Variants in MICU1 observed in about 807,000 individuals in gnomAD.
MICU1 encodes the protein mitochondrial calcium uptake 1.
MICU1 carries 45 observed loss-of-function variants against 56.8 expected under a neutral mutation model. The observed-to-expected ratio is 0.79, with a 90% CI of 0.62 to 1.02. MICU1 has a LOEUF of 1.02. MICU1 is among the 50% of genes least tolerant of loss of function. MICU1 has a pLI of 0.00. For synonymous variants in MICU1, 186 were observed against 195.1 expected, an observed-to-expected ratio of 0.95 and a Z score of 0.39; for missense variants, 504 against 587.1, an observed-to-expected ratio of 0.86 and a Z score of 1.46.
rs372585466 is a variant in MICU1, at chr10:72,478,551, A to G, written c.653-1295T>C. On this transcript the variant is annotated intron_variant, in intron 6 of 11. Coordinates refer to ENST00000361114, the MANE Select transcript of MICU1 (RefSeq NM_001195518.2). The stretch of plus-strand genomic sequence containing the variant: ...TAAAATTTCAGTTAACATCATTTAC[A>G]TGAAAAAAGTTAAGATTTTATGCAG... Among the ~76,000 whole-genome samples, 20 of 152,366 alleles carry G rather than the reference A, an allele frequency of 1.3e-4. No homozygotes were observed. In the East Asian group the frequency reaches 2.3e-3, roughly 18 times the overall value.
intron 9 of MICU1, among the ~76,000 whole-genome samples, chr10:72,417,325 G>T (rs1276310939): frequency 6.6e-6 from 1 of 151,980 alleles, no homozygotes. Flanking sequence ...GTGGCAGTGG[G>T]CACCTGTAGC....
intron 8 of MICU1, among the ~76,000 whole-genome samples, chr10:72,446,174 T>G (rs773817734): frequency 6.6e-6 from 1 of 152,156 alleles, no homozygotes; most frequent in Admixed American, 6.5e-5. Flanking sequence ...CAATATTGTA[T>G]GGAAAAACAT....
At chr10:72,530,999 G>A (rs1174710248) in intron 5 of MICU1, among the ~76,000 whole-genome samples, 1 of 152,006 alleles carries the variant, frequency 6.6e-6, no homozygotes, top group Non-Finnish European at 1.5e-5. Flanking sequence ...TTTTATATTT[G>A]TTCTTACTTT....
intron 1 of MICU1, among the ~76,000 whole-genome samples, chr10:72,619,965 T>C (rs1381924043): frequency 6.6e-6 from 1 of 152,150 alleles, no homozygotes; most frequent in East Asian, 1.9e-4. Context: ...TAGATTCTAA[T>C]ACCCTTTTGT....
intron 10 of MICU1, among the ~76,000 whole-genome samples, chr10:72,386,221 G>C (rs113418719): frequency 0.012 from 1,860 of 151,958 alleles, 39 homozygotes; most frequent in African/African-American, 0.043. Flanking sequence ...TCGCTCTGTC[G>C]CCCAGGCTGG....
chr10:72,481,560 C>T (rs1274207308), intron 6 of MICU1, among the ~76,000 whole-genome samples: 1 of 152,082 alleles, frequency 6.6e-6, no homozygotes, highest in African/African-American at 2.4e-5. Context: ...TACAGGAGCA[C>T]ACCACCACCC....
At chr10:72,538,095 T>C (rs1033047533) in intron 4 of MICU1, among the ~76,000 whole-genome samples, 6 of 152,120 alleles carry the variant, frequency 3.9e-5, no homozygotes, top group Non-Finnish European at 2.9e-5. Flanking sequence ...GGCCCTTACC[T>C]CACTATGCCC....
intron 4 of MICU1, among the ~76,000 whole-genome samples, chr10:72,547,254 G>C (rs1043025316): frequency 6.6e-6 from 1 of 151,740 alleles, no homozygotes; most frequent in Non-Finnish European, 1.5e-5. Context: ...ACTCAAGCTG[G>C]TTTTGAACTC....
At chr10:72,378,878 T>C (rs1335292869) in intron 10 of MICU1, among the ~76,000 whole-genome samples, 1 of 152,164 alleles carries the variant, frequency 6.6e-6, no homozygotes, top group Non-Finnish European at 1.5e-5. Flanking sequence ...GAAGGGTTTA[T>C]TGGTGTCATC....
At chr10:72,498,191 T>A (rs1212459659) in intron 6 of MICU1, among the ~76,000 whole-genome samples, 2 of 152,216 alleles carry the variant, frequency 1.3e-5, no homozygotes, top group Non-Finnish European at 2.9e-5. Context: ...TACTTTTACA[T>A]GTTAGGTCAG....
At chr10:72,609,908 G>A (rs1193927421) in intron 1 of MICU1, among the ~76,000 whole-genome samples, 4 of 151,544 alleles carry the variant, frequency 2.6e-5, no homozygotes, top group East Asian at 1.9e-4. Flanking sequence ...GGTGGTGCGT[G>A]CCTGTAATCC....
At chr10:72,555,491 C>T (rs954905752) in intron 3 of MICU1, among the ~76,000 whole-genome samples, 2 of 152,136 alleles carry the variant, frequency 1.3e-5, no homozygotes, top group South Asian at 4.1e-4. Context: ...TTTTTAACGG[C>T]AGAAGCAAGG....
At chr10:72,371,335 C>T (rs1274791406) in intron 11 of MICU1, among the ~76,000 whole-genome samples, 22 of 141,276 alleles carry the variant, frequency 1.6e-4, no homozygotes, top group East Asian at 1.5e-3. Context: ...TGCAGTGAGC[C>T]GAGATCGCAC....
intron 5 of MICU1, among the ~76,000 whole-genome samples, chr10:72,510,731 C>A (rs1241394265): frequency 6.6e-6 from 1 of 151,988 alleles, no homozygotes; most frequent in Non-Finnish European, 1.5e-5. Flanking sequence ...GCAACCTCTG[C>A]CTCCCGGGTT....
intron 5 of MICU1, among the ~76,000 whole-genome samples, chr10:72,518,753 G>A (rs1417709123): frequency 6.6e-6 from 1 of 152,048 alleles, no homozygotes; most frequent in African/African-American, 2.4e-5. Flanking sequence ...AATGATCTCG[G>A]CTCATGGCAA....
chr10:72,454,067 A>G (rs934615533), intron 8 of MICU1, among the ~76,000 whole-genome samples: 5 of 151,178 alleles, frequency 3.3e-5, no homozygotes, highest in African/African-American at 1.2e-4. Context: ...AACTTCTGAC[A>G]TCAGGTGATC....
intron 11 of MICU1, among the ~76,000 whole-genome samples, chr10:72,372,815 C>T (rs188316258): frequency 1.3e-5 from 2 of 151,344 alleles, no homozygotes; most frequent in Non-Finnish European, 2.9e-5. Flanking sequence ...GCACTCCAGC[C>T]TGGGCAACAA....
At chr10:72,553,125 T>G (rs562676083) in intron 3 of MICU1, among the ~76,000 whole-genome samples, 1 of 152,244 alleles carries the variant, frequency 6.6e-6, no homozygotes. Flanking sequence ...GTAAAGAGTT[T>G]TGCAACCTCT....
At chr10:72,590,778 A>G (rs1310284090) in intron 1 of MICU1, among the ~76,000 whole-genome samples, 3 of 151,976 alleles carry the variant, frequency 2.0e-5, no homozygotes, top group Non-Finnish European at 2.9e-5. Flanking sequence ...GCGCCACTGC[A>G]TTCCAGCCTG....
Sources: allele counts gnomAD v4.1 joint callset (sites outside exome capture counted in the v4.1 genomes callset), GRCh38; gene constraint gnomAD v4.1.1; transcripts MANE v1.5; gene names NCBI Gene and HGNC (gene_info 2026-07-23, HGNC 2026-07-21).